Variants in MYO10 observed in about 807,000 individuals in gnomAD.
MYO10 encodes unconventional myosin-X.
In MYO10, 133 loss-of-function variants were observed where a neutral mutation model predicts 257.3. The ratio of observed to expected loss-of-function variants is 0.52; its 90% CI spans 0.45 to 0.60. The LOEUF is 0.60. Ranked by LOEUF, MYO10 falls within the 20% of genes least tolerant of loss-of-function variation. The pLI, the probability that MYO10 is intolerant of heterozygous loss-of-function variation, is 0.00. For missense variants in MYO10, 2,399 were observed against 2,635.7 expected, an observed-to-expected ratio of 0.91 and a Z score of 1.97; for synonymous variants, 1,104 against 1,028.6, an observed-to-expected ratio of 1.07 and a Z score of -1.40.
chr5:16,836,499 CAT>C (rs1743316620), intron 2 of MYO10, among the ~76,000 whole-genome samples: 1 of 152,188 alleles, frequency 6.6e-6, no homozygotes, highest in Admixed American at 6.5e-5. Context: ...AATGACTACA[CAT>C]GTGCCCAAGA....
chr5:16,926,722 C>T (rs1187318733), intron 1 of MYO10, among the ~76,000 whole-genome samples: 1 of 148,980 alleles, frequency 6.7e-6, no homozygotes, highest in Admixed American at 6.7e-5. Flanking sequence ...AAAAAAAGAA[C>T]AATCTAAGAA....
At chr5:16,792,942 A>G (rs1467795120) in intron 4 of MYO10, among the ~76,000 whole-genome samples, 1 of 152,160 alleles carries the variant, frequency 6.6e-6, no homozygotes, top group Non-Finnish European at 1.5e-5. Flanking sequence ...AAATAACATA[A>G]TAACTATTCT....
At chr5:16,881,660 T>C (rs1744758002) in intron 1 of MYO10, among the ~76,000 whole-genome samples, 1 of 152,236 alleles carries the variant, frequency 6.6e-6, no homozygotes, top group Non-Finnish European at 1.5e-5. Flanking sequence ...AATTGCAAAG[T>C]TAAACTGCTG....
At chr5:16,801,778 T>C (rs1261633033) in intron 3 of MYO10, among the ~76,000 whole-genome samples, 1 of 135,998 alleles carries the variant, frequency 7.4e-6, no homozygotes, top group Admixed American at 6.8e-5. Context: ...TTTCTTATTC[T>C]TTTTTGCATA....
intron 33 of MYO10, among the ~76,000 whole-genome samples, chr5:16,679,396 C>T (rs55904245): frequency 0.016 from 2,408 of 152,254 alleles, 31 homozygotes; most frequent in Non-Finnish European, 0.026. Context: ...CAGGTGGGAT[C>T]GGGTGACTCA....
At position 16,829,635 on chromosome 5, in the gene MYO10, C is replaced by T. The variant is rs533707179; in HGVS notation, c.121-11468G>A. On this transcript the variant is annotated intron_variant, in intron 2 of 40. Coordinates refer to ENST00000513610, the MANE Select transcript of MYO10 (RefSeq NM_012334.3). ...CCAGCTCAAACCTTTCTGACAGCGC[C>T]GCAGGGCTGCAGGCAGGCTAACAGG... Among the ~76,000 whole-genome samples the T allele has an allele frequency of 7.4e-4, 112 of 152,230 alleles. 1 individual carries two copies. The highest frequency in any genetic ancestry group is 3.4e-3 in the Middle Eastern group (1 of 292).
rs575728279 is a variant in MYO10 at position 16,670,967 on chromosome 5, C to T, written c.5442G>A (p.Ala1814=). 61 of 1,608,748 alleles carry T rather than the reference C, an allele frequency of 3.8e-5. 2 individuals carry two copies. The South Asian group carries it at 5.7e-4, about 15-fold the overall frequency. The change falls in exon 39 of 41, where the codon GCG becomes GCA. Residue 1814 remains alanine, a synonymous_variant. Transcript: ENST00000513610. ...FAFMFEQAHE[A]VIHGHHPAPE... ...GGGCTGGATGGTGGCCATGGATAACCGCTTCGTGGGCCTGAAAGGAGACAG... is the reference window on the plus strand; with the variant it reads ...GGGCTGGATGGTGGCCATGGATAACTGCTTCGTGGGCCTGAAAGGAGACAG...
chr5:16,805,306 T>C (rs1473270747), intron 3 of MYO10, among the ~76,000 whole-genome samples: 6 of 151,320 alleles, frequency 4.0e-5, no homozygotes. Flanking sequence ...CTACTAAAAA[T>C]ACAAAATTAG....
Position 16,709,667 on chromosome 5 carries a change from C to CTGCA in MYO10, c.2169+1237_2169+1240dup, listed in dbSNP as rs111834451. 7.4e-3 allele frequency among the ~76,000 whole-genome samples: 1,120 copies of CTGCA among 152,330 alleles called. 22 individuals carry two copies. The highest frequency in any genetic ancestry group is 0.026 in the African/African-American group (1,073 of 41,572). On this transcript the variant is annotated intron_variant, in intron 21 of 40. Transcript: ENST00000513610. ...AGAACAAAGCCCCAAGATACAGGGA[C>CTGCA]TGCAGGCTTGGGGGACCCTGATCAG...
intron 21 of MYO10, among the ~76,000 whole-genome samples, chr5:16,708,574 G>A (rs764948959): frequency 6.6e-6 from 1 of 152,076 alleles, no homozygotes; most frequent in Non-Finnish European, 1.5e-5. Context: ...ATTTCTTTTT[G>A]TTTTTGAGAC....
chr5:16,786,967 G>A (rs531137909), intron 4 of MYO10, among the ~76,000 whole-genome samples: 6 of 152,206 alleles, frequency 3.9e-5, no homozygotes, highest in Non-Finnish European at 7.4e-5. Context: ...TCAGGAGTTC[G>A]AGGCCAGCCT....
intron 10 of MYO10, among the ~76,000 whole-genome samples, chr5:16,766,755 A>G (rs532572005): frequency 6.2e-5 from 9 of 144,200 alleles, no homozygotes; most frequent in Non-Finnish European, 1.1e-4. Context: ...ATGAGCCACC[A>G]TGCCCACCTA....
At chr5:16,903,627 G>A (rs1007323019) in intron 1 of MYO10, among the ~76,000 whole-genome samples, 1 of 152,184 alleles carries the variant, frequency 6.6e-6, no homozygotes, top group Admixed American at 6.5e-5. Context: ...AAGCAGCTAA[G>A]AGGTTAAATA....
intron 2 of MYO10, among the ~76,000 whole-genome samples, chr5:16,822,148 C>A (rs983633925): frequency 4.6e-5 from 7 of 152,114 alleles, no homozygotes; most frequent in Non-Finnish European, 5.9e-5. Context: ...GGGAGAGCAT[C>A]AGGAAGAATA....
At chr5:16,697,572 C>T (rs1737812257) in intron 26 of MYO10, among the ~76,000 whole-genome samples, 1 of 152,008 alleles carries the variant, frequency 6.6e-6, no homozygotes, top group East Asian at 1.9e-4. Context: ...TTGGCGTGTG[C>T]CTGTAATCCC....
chr5:16,823,217 A>C (rs574135869), intron 2 of MYO10, among the ~76,000 whole-genome samples: 40 of 150,236 alleles, frequency 2.7e-4, no homozygotes, highest in Admixed American at 2.2e-3. Flanking sequence ...TGAGGCAGTC[A>C]GCAGATCACT....
intron 36 of MYO10, 85 bp from the exon 37 acceptor site, chr5:16,672,910 A>C: frequency 1.3e-6 from 2 of 1,484,112 alleles, no homozygotes; most frequent in Non-Finnish European, 1.8e-6. Flanking sequence ...CTGATCCCAG[A>C]GGGAGCTGCT....
At chr5:16,879,174 T>A (rs576255386) in intron 1 of MYO10, among the ~76,000 whole-genome samples, 2 of 152,280 alleles carry the variant, frequency 1.3e-5, no homozygotes, top group South Asian at 4.1e-4. Context: ...AAATTATCAC[T>A]TGACATAGCA....
chr5:16,907,961 G>A (rs1053363207), intron 1 of MYO10, among the ~76,000 whole-genome samples: 1 of 152,180 alleles, frequency 6.6e-6, no homozygotes, highest in Non-Finnish European at 1.5e-5. Context: ...GGCCAGGCTC[G>A]GTGGCTCACG....
Sources: allele counts gnomAD v4.1 joint callset (sites outside exome capture counted in the v4.1 genomes callset), GRCh38; gene constraint gnomAD v4.1.1; transcripts MANE v1.5; gene names NCBI Gene and HGNC (gene_info 2026-07-23, HGNC 2026-07-21).